Variants in DEF6 observed in about 807,000 individuals in gnomAD.
The protein encoded by DEF6 is differentially expressed in FDCP 6 homolog.
DEF6 carries 32 observed loss-of-function variants against 80.5 expected under a neutral mutation model. That is an observed-to-expected ratio of 0.40 (90% CI 0.30 to 0.53). The LOEUF (loss-of-function observed/expected upper bound fraction) is 0.53. Among genes scored for constraint, DEF6 ranks in the 20% least tolerant of loss-of-function variants. The pLI, the probability that DEF6 is intolerant of heterozygous loss-of-function variation, is 0.57. For missense variants in DEF6, 575 were observed against 818.7 expected (o/e 0.70, Z 3.63); for synonymous variants, 300 against 337.9 (o/e 0.89, Z 1.23).
intron 1 of DEF6, among the ~76,000 whole-genome samples, chr6:35,303,114 C>T (rs1562146447): frequency 6.6e-6 from 1 of 152,178 alleles, no homozygotes; most frequent in Non-Finnish European, 1.5e-5. Flanking sequence ...GTCGGCCCAG[C>T]TCTCTGGAGA....
At chr6:35,302,541 GT>G (rs1232731405) in intron 1 of DEF6, among the ~76,000 whole-genome samples, 3 of 152,078 alleles carry the variant, frequency 2.0e-5, no homozygotes, top group African/African-American at 7.2e-5. Flanking sequence ...CCACACTTGA[GT>G]TTTAGAGGAT....
intron 10 of DEF6, 28 bp from the exon 11 acceptor site, chr6:35,321,159 C>A (rs1791585810): frequency 1.2e-6 from 2 of 1,608,578 alleles, no homozygotes; most frequent in Admixed American, 1.7e-5. Flanking sequence ...ATGCCTTTCT[C>A]CTTACTTGCC....
chr6:35,317,971 C>T lies in DEF6; in HGVS notation c.888C>T (p.Asp296=). The part of the protein sequence containing the change: ...ANRTYEMSAS[D]TRQRQEWTAA... ...GCACGTATGAGATGAGCGCCTCAGA[C>T]ACGCGCCAGCGCCAGGAGTGGACAG... The change falls in exon 6 of 11, where the codon GAC becomes GAT. Residue 296 remains aspartate (D), a synonymous_variant. Transcript: ENST00000316637. 1 of 1,613,908 alleles carries T rather than the reference C, an allele frequency of 6.2e-7. No individual in the cohort carries two copies.
At chr6:35,304,894 C>T (rs1283526074) in intron 1 of DEF6, among the ~76,000 whole-genome samples, 3 of 151,240 alleles carry the variant, frequency 2.0e-5, no homozygotes, top group African/African-American at 7.3e-5. Context: ...TAAATTTTAT[C>T]CTAAAGACAA....
At chr6:35,308,023 G>A (rs1311499011) in intron 1 of DEF6, among the ~76,000 whole-genome samples, 1 of 152,204 alleles carries the variant, frequency 6.6e-6, no homozygotes, top group African/African-American at 2.4e-5. Flanking sequence ...AAGATGAACA[G>A]AGACCTTGTC....
chr6:35,321,477 G>A lies in DEF6; in HGVS notation c.*67G>A. ...GGACCTGGCCACAGCTGGCCTGTGG[G>A]TGATCCCAGCTCTTACTAGGAGAGG... On this transcript the variant is annotated 3_prime_UTR_variant, in exon 11 of 11. Transcript: ENST00000316637. 6.8e-7 allele frequency: 1 copy of A among 1,461,726 alleles called. No individual in the cohort carries two copies. The highest frequency in any genetic ancestry group is 9.4e-7 in the Non-Finnish European group (1 of 1,061,244). The allele number at this position is 1,461,726 out of a possible 1,614,324, so 90.5% of individuals were successfully genotyped here. A position where few individuals can be genotyped will look rare whatever the true frequency, so the allele number is the denominator to read the frequency against.
At position 35,318,507 on chromosome 6, in the gene DEF6, T is replaced by TG. The variant is rs1791550511; in HGVS notation, c.1215+39dup. On this transcript the variant is annotated intron_variant, in intron 7 of 10. Transcript: ENST00000316637. The surrounding 1 kb of genome is among the most constrained non-coding windows in gnomAD (Gnocchi z 5.1). Reference sequence around the variant, plus strand: ...CTCCCGGCGCCGGGGACGGGACCGGTGGGCTGGGAGGCTGGCCAGGGGCGG... The same window carrying TG: ...CTCCCGGCGCCGGGGACGGGACCGGTGGGGCTGGGAGGCTGGCCAGGGGCGG... The TG allele has an allele frequency of 7.3e-7, 1 of 1,362,594 alleles. No individual in the cohort carries two copies. Among genetic ancestry groups the TG allele is most frequent in the Non-Finnish European group, 9.4e-7 (1 of 1,065,894 alleles). 84.4% of individuals were successfully genotyped at this position (1,362,594 alleles called of 1,614,324 possible). A position where few individuals can be genotyped will look rare whatever the true frequency, so the allele number is the denominator to read the frequency against.
chr6:35,312,916 T>G lies in DEF6; in HGVS notation c.807+144T>G. 1.0e-6 allele frequency: 1 copy of G among 977,958 alleles called. No homozygotes were observed. The highest frequency in any genetic ancestry group is 1.5e-6 in the Non-Finnish European group (1 of 671,690). The allele number at this position is 977,958 out of a possible 1,614,324, so 60.6% of individuals were successfully genotyped here. On this transcript the variant is annotated intron_variant, in intron 5 of 10. Coordinates refer to ENST00000316637, the MANE Select transcript of DEF6 (RefSeq NM_022047.4). The surrounding 1 kb of genome is among the most constrained non-coding windows in gnomAD (Gnocchi z 6.6). ...TGCTTAGATTAGTGTGACCCAAATA[T>G]ATCCGGATGCCTCAAGGCCATTCTC...
chr6:35,306,502 A>G (rs1791392083), intron 1 of DEF6, among the ~76,000 whole-genome samples: 1 of 151,608 alleles, frequency 6.6e-6, no homozygotes, highest in Non-Finnish European at 1.5e-5. Flanking sequence ...CAAGAGTGAA[A>G]TTCTGTCTTA....
Position 35,303,830 on chromosome 6 carries a change from C to T in DEF6, c.97-5840C>T, listed in dbSNP as rs141862873. Among the ~76,000 whole-genome samples, 17 of 152,108 alleles carry T rather than the reference C, an allele frequency of 1.1e-4. 1 individual carries two copies. The East Asian group carries it at 3.3e-3, about 29-fold the overall frequency. ...TGGGCAACATAGTGAAAGCCCGTCC[C>T]TACAAAAGATAGAAAAATTAGGCCC... On this transcript the variant is annotated intron_variant, in intron 1 of 10. Transcript: ENST00000316637.
Position 35,309,699 on chromosome 6 carries a change from G to A in DEF6, c.126G>A (p.Leu42=). The change falls in exon 2 of 11, where the codon CTG becomes CTA. Residue 42 remains leucine, a synonymous_variant. Coordinates refer to ENST00000316637, the MANE Select transcript of DEF6 (RefSeq NM_022047.4). The stretch of plus-strand genomic sequence containing the variant: ...TGTCCCACAACCTGTACACGGTCCT[G>A]CACATCCCCCATGACCCCGTGGCCC... ...KVLSHNLYTV[L]HIPHDPVALE... is the part of the protein sequence containing the mutation. 6.2e-7 allele frequency: 1 copy of A among 1,613,974 alleles called. No individual in the cohort carries two copies. Among genetic ancestry groups the A allele is most frequent in the Non-Finnish European group, 8.5e-7 (1 of 1,179,990 alleles).
intron 1 of DEF6, among the ~76,000 whole-genome samples, chr6:35,301,947 G>C (rs1057305600): frequency 1.3e-5 from 2 of 152,020 alleles, no homozygotes; most frequent in African/African-American, 4.8e-5. Flanking sequence ...GGCTGGTCTT[G>C]AACTCCTGAC....
intron 5 of DEF6, 148 bp from the exon 6 acceptor site, chr6:35,317,743 T>C (rs368057924): frequency 1.8e-5 from 11 of 605,496 alleles, no homozygotes; most frequent in South Asian, 4.0e-5. Flanking sequence ...CCATAACTTA[T>C]GATGCAAGCC....
Position 35,318,538 on chromosome 6 carries a change from C to CG in DEF6, c.1215+72dup. On this transcript the variant is annotated intron_variant, in intron 7 of 10. Coordinates refer to ENST00000316637, the MANE Select transcript of DEF6 (RefSeq NM_022047.4). The surrounding 1 kb of genome is among the most constrained non-coding windows in gnomAD (Gnocchi z 5.1). ...GGGAGGCTGGCCAGGGGCGGAGCGCCGGGGGCGGGGCCTGGGCAGAGGGCG... is the reference window on the plus strand; with the variant it reads ...GGGAGGCTGGCCAGGGGCGGAGCGCCGGGGGGCGGGGCCTGGGCAGAGGGCG... 1 of 1,330,920 alleles carries CG rather than the reference C, an allele frequency of 7.5e-7. No individual in the cohort carries two copies. The highest frequency in any genetic ancestry group is 9.6e-7 in the Non-Finnish European group (1 of 1,044,080). The allele number at this position is 1,330,920 out of a possible 1,614,324, so 82.4% of individuals were successfully genotyped here.
chr6:35,299,503 T>C (rs1188981372), intron 1 of DEF6, among the ~76,000 whole-genome samples: 1 of 152,188 alleles, frequency 6.6e-6, no homozygotes. Flanking sequence ...CCCCTTTTCC[T>C]GGTGCCATCA....
chr6:35,299,556 A>C lies in DEF6; in HGVS notation c.96+1604A>C, dbSNP rs780502836. Among the ~76,000 whole-genome samples the C allele has an allele frequency of 3.3e-5, 5 of 152,166 alleles. No homozygotes were observed. The South Asian group carries it at 1.0e-3, about 32-fold the overall frequency. ...GCTTGAGCCTCTGTCTTGCCCTCTA[A>C]AAGGGCCACTACCCACTCCCTCATC... On this transcript the variant is annotated intron_variant, in intron 1 of 10. Coordinates refer to ENST00000316637, the MANE Select transcript of DEF6 (RefSeq NM_022047.4).
At chr6:35,303,240 G>C (rs1234137186) in intron 1 of DEF6, among the ~76,000 whole-genome samples, 1 of 152,182 alleles carries the variant, frequency 6.6e-6, no homozygotes, top group Non-Finnish European at 1.5e-5. Flanking sequence ...TGCAGGTGAG[G>C]TGCAGGTCTT....
Position 35,319,697 on chromosome 6 carries a change from C to A in DEF6, c.1382+7C>A. Reference sequence around the variant, plus strand: ...TGCGAATCGCTCAGACCAGGTAGGCCTGAGGAACCTCTTCTGGTTCTCTCA... The same window carrying A: ...TGCGAATCGCTCAGACCAGGTAGGCATGAGGAACCTCTTCTGGTTCTCTCA... On this transcript the variant is annotated splice_region_variant and intron_variant, in intron 8 of 10. Coordinates refer to ENST00000316637, the MANE Select transcript of DEF6 (RefSeq NM_022047.4). This position sits in a 1 kb window ranked among gnomAD's most constrained non-coding sequence, Gnocchi z 4.5. 6.2e-7 allele frequency: 1 copy of A among 1,607,316 alleles called. No homozygotes were observed. Among genetic ancestry groups the A allele is most frequent in the Non-Finnish European group, 8.5e-7 (1 of 1,175,154 alleles).
intron 1 of DEF6, among the ~76,000 whole-genome samples, chr6:35,307,763 T>C (rs1791411538): frequency 6.6e-6 from 1 of 152,106 alleles, no homozygotes; most frequent in African/African-American, 2.4e-5. Context: ...ATCTCCCACT[T>C]CCCAGTTTGC....
Sources: gnomAD v4.1 joint callset for allele counts (sites outside exome capture counted in the v4.1 genomes callset) on GRCh38, gnomAD v4.1.1 for gene constraint, Gnocchi (gnomAD v3.1) non-coding constraint, MANE v1.5 for transcripts, NCBI Gene and HGNC (gene_info 2026-07-23, HGNC 2026-07-21) for gene names.